FHIP2B: variants seen among roughly 807,000 people sequenced by gnomAD.
The protein encoded by FHIP2B is FHF complex subunit HOOK interacting protein 2B.
A neutral mutation model predicts 84.0 loss-of-function variants in FHIP2B; 72 were observed. The ratio of observed to expected loss-of-function variants is 0.86; its 90% CI spans 0.71 to 1.04. The LOEUF (loss-of-function observed/expected upper bound fraction) is 1.04, where lower values mean the gene tolerates loss of function less well. FHIP2B is among the 50% of genes least tolerant of loss of function. FHIP2B has a pLI of 0.00. For missense variants in FHIP2B, 972 were observed against 968.9 expected, an observed-to-expected ratio of 1.00 and a Z score of -0.04; for synonymous variants, 497 against 418.7, an observed-to-expected ratio of 1.19 and a Z score of -2.28.
chr8:22,102,807 C>G lies in FHIP2B; in HGVS notation c.2108C>G (p.Thr703Ser), dbSNP rs1554577830. ...QAPGEQLDHQTLLQGVVVLEE... is the reference protein window; with the variant it reads ...QAPGEQLDHQSLLQGVVVLEE... ...TCTCCCCTCAGGCTGGACCACCAGA[C>G]CCTCCTCCAGGGCGTGGTGGTGCTG... The change falls in exon 17 of 17, where the codon ACC becomes AGC. Residue 703 changes from threonine to serine, a missense_variant. Coordinates refer to ENST00000289921, the MANE Select transcript of FHIP2B (RefSeq NM_022749.7). 1 of 1,613,320 alleles carries G rather than the reference C, an allele frequency of 6.2e-7. No homozygotes were observed. Among genetic ancestry groups the G allele is most frequent in the African/African-American group, 1.3e-5 (1 of 74,924 alleles).
At position 22,100,695 on chromosome 8, in the gene FHIP2B, C is replaced by T. The variant is rs772066717; in HGVS notation, c.1443C>T (p.Tyr481=). The T allele has an allele frequency of 8.1e-6, 13 of 1,606,336 alleles. No homozygotes were observed. The South Asian group carries it at 1.0e-4, about 12-fold the overall frequency. Residue 481 remains tyrosine (Y), a synonymous_variant, in exon 11 of 17, where the codon TAC becomes TAT. Coordinates refer to ENST00000289921, the MANE Select transcript of FHIP2B (RefSeq NM_022749.7). Reference sequence around the variant, plus strand: ...TGCGCAACCTTGAGGGCCGCCCTTACGTGGCCTGGGGCTCACCAGAGCCTG... The same window carrying T: ...TGCGCAACCTTGAGGGCCGCCCTTATGTGGCCTGGGGCTCACCAGAGCCTG... The part of the protein sequence containing the change: ...LVLRNLEGRP[Y]VAWGSPEPES...
At chr8:22,100,272 C>T (rs1232045779) in intron 10 of FHIP2B, 4 of 377,542 alleles carry the variant, frequency 1.1e-5, no homozygotes, top group African/African-American at 2.1e-5. Flanking sequence ...ACACTTGGCT[C>T]GCTGGAAGGC....
chr8:22,089,493 T>G (rs1586304316), intron 1 of FHIP2B, among the ~76,000 whole-genome samples, 195 bp downstream of exon 1: 3 of 151,244 alleles, frequency 2.0e-5, no homozygotes, highest in African/African-American at 4.9e-5. Flanking sequence ...CCAGTCCCGC[T>G]CCCAGACTCC....
chr8:22,100,663 C>G lies in FHIP2B; in HGVS notation c.1411C>G (p.Leu471Val). ...GCCCCACGAGGGGATCATCCACAGC[C>G]TGGTCCTGCGCAACCTTGAGGGCCG... is the stretch of plus-strand genomic sequence containing the variant. ...QKPHEGIIHSLVLRNLEGRPY... is the reference protein window; with the variant it reads ...QKPHEGIIHSVVLRNLEGRPY... Residue 471 changes from leucine to valine, a missense_variant, in exon 11 of 17, where the codon CTG becomes GTG. By Grantham distance (32) the Leu-to-Val change is conservative (BLOSUM62 1). Transcript: ENST00000289921. The G allele has an allele frequency of 1.2e-6, 2 of 1,607,156 alleles. No homozygotes were observed. Among genetic ancestry groups the G allele is most frequent in the Non-Finnish European group, 1.7e-6 (2 of 1,176,108 alleles).
At chr8:22,097,991 G>C (rs1370688156) in intron 5 of FHIP2B, 77 bp from the exon 6 acceptor site, 5 of 1,526,240 alleles carry the variant, frequency 3.3e-6, no homozygotes, top group Non-Finnish European at 4.4e-6. Context: ...CCTGCTGGCA[G>C]CCCACCCTGC....
chr8:22,099,858 C>G lies in FHIP2B; in HGVS notation c.1306C>G (p.His436Asp). 6.2e-7 allele frequency: 1 copy of G among 1,612,462 alleles called. No individual in the cohort carries two copies. The highest frequency in any genetic ancestry group is 8.5e-7 in the Non-Finnish European group (1 of 1,179,360). ...PGDNPHTLYA[H>D]LIGHCDHLSD... Reference sequence around the variant, plus strand: ...GGACAACCCCCACACCCTGTATGCTCATCTCATCGGGCATTGTGACCACCT... The same window carrying G: ...GGACAACCCCCACACCCTGTATGCTGATCTCATCGGGCATTGTGACCACCT... The change falls in exon 10 of 17, where the codon CAT becomes GAT. Residue 436 changes from histidine (H) to aspartate (D), a missense_variant. Transcript: ENST00000289921.
intron 16 of FHIP2B, 39 bp from the exon 17 acceptor site, chr8:22,102,754 C>T (rs1473250335): frequency 6.2e-7 from 1 of 1,608,924 alleles, no homozygotes; most frequent in Non-Finnish European, 8.5e-7. Flanking sequence ...CACAGTCCTG[C>T]CCCCACCCAG....
At position 22,089,163 on chromosome 8, in the gene FHIP2B, C is replaced by T; in HGVS notation, c.-91C>T. 5 of 844,772 alleles carry T rather than the reference C, an allele frequency of 5.9e-6. No individual in the cohort carries two copies. Among genetic ancestry groups the T allele is most frequent in the Non-Finnish European group, 7.3e-6 (5 of 689,570 alleles). The allele number at this position is 844,772 out of a possible 1,614,324, so 52.3% of individuals were successfully genotyped here. On this transcript the variant is annotated 5_prime_UTR_variant, in exon 1 of 17. Transcript: ENST00000289921. ...CGGCCGGGCCCCGCCCCCCTCGTCG[C>T]GCCGGGGCCGCCGGGGCCACGGGGC...
In FHIP2B at chr8:22,102,788, C is replaced by A; in HGVS notation, c.2094-5C>A. ...AGCCATGCCCCCTGTGCCATCTCCC[C>A]TCAGGCTGGACCACCAGACCCTCCT... is the stretch of plus-strand genomic sequence containing the variant. On this transcript the variant is annotated splice_polypyrimidine_tract_variant and splice_region_variant and intron_variant, in intron 16 of 16. Coordinates refer to ENST00000289921, the MANE Select transcript of FHIP2B (RefSeq NM_022749.7). The A allele has an allele frequency of 6.2e-7, 1 of 1,612,884 alleles. No homozygotes were observed. The highest frequency in any genetic ancestry group is 8.5e-7 in the Non-Finnish European group (1 of 1,179,508).
At chr8:22,102,399 C>T in intron 15 of FHIP2B, 84 bp downstream of exon 15, 4 of 807,328 alleles carry the variant, frequency 5.0e-6, no homozygotes, top group Admixed American at 4.5e-5. Flanking sequence ...TGGTTGGGGG[C>T]TGGAGGGGTG....
chr8:22,099,316 T>G lies in FHIP2B; in HGVS notation c.1107T>G (p.Ala369=). ...VVADALAKAV[A]ENFFVETLQP... is the part of the protein sequence containing the mutation. ...CGGACGCCTTGGCGAAGGCTGTGGCTGAGAACTTCTTCGTGGAGACCCTGC... is the reference window on the plus strand; with the variant it reads ...CGGACGCCTTGGCGAAGGCTGTGGCGGAGAACTTCTTCGTGGAGACCCTGC... The change falls in exon 9 of 17, where the codon GCT becomes GCG. Residue 369 remains alanine (A), a synonymous_variant. Transcript: ENST00000289921. The G allele has an allele frequency of 6.2e-7, 1 of 1,613,774 alleles. No homozygotes were observed. The highest frequency in any genetic ancestry group is 8.5e-7 in the Non-Finnish European group (1 of 1,179,812).
chr8:22,093,688 G>C (rs1000938080), intron 1 of FHIP2B, among the ~76,000 whole-genome samples: 2 of 138,806 alleles, frequency 1.4e-5, no homozygotes, highest in Non-Finnish European at 3.1e-5. Flanking sequence ...CTCAGATTGA[G>C]AGGAATGGAA....
chr8:22,098,796 T>G (rs1268812033), intron 7 of FHIP2B, among the ~76,000 whole-genome samples, 152 bp from the exon 8 acceptor site: 1 of 152,166 alleles, frequency 6.6e-6, no homozygotes, highest in African/African-American at 2.4e-5. Context: ...AGTACTGGTT[T>G]TGCTGCCTCT....
chr8:22,095,284 A>G (rs1229249036), intron 2 of FHIP2B: 1 of 152,270 alleles, frequency 6.6e-6, no homozygotes, highest in Non-Finnish European at 1.5e-5. Flanking sequence ...GTTCTGCTAG[A>G]CCAGGTTTCT....
chr8:22,102,485 G>A (rs1238292571), intron 15 of FHIP2B, 43 bp from the exon 16 acceptor site: 3 of 1,543,860 alleles, frequency 1.9e-6, no homozygotes, highest in East Asian at 2.4e-5. Context: ...GGACTCACTG[G>A]TGTTGCTGGC....
chr8:22,098,962 C>T lies in FHIP2B; in HGVS notation c.980C>T (p.Pro327Leu), dbSNP rs780882328. ...EGISWRLPSA[P>L]SDEASFPGKE... is the part of the protein sequence containing the mutation. ...TCTTCCTTCAGGTTACCCAGTGCCC[C>T]GTCTGATGAGGCTTCCTTCCCTGGC... Residue 327 changes from proline (P) to leucine (L), a missense_variant, in exon 8 of 17, where the codon CCG becomes CTG. By Grantham distance (98) the Pro-to-Leu change is moderately conservative. Transcript: ENST00000289921. 2.3e-5 allele frequency: 37 copies of T among 1,605,276 alleles called. No individual in the cohort carries two copies. Among genetic ancestry groups the T allele is most frequent in the African/African-American group, 1.3e-4 (10 of 74,802 alleles).
intron 3 of FHIP2B, 134 bp downstream of exon 3, chr8:22,096,643 G>C: frequency 1.6e-6 from 2 of 1,274,456 alleles, no homozygotes; most frequent in Non-Finnish European, 2.1e-6. Context: ...GCCAGGCTGA[G>C]GTGGGCGGTG....
At chr8:22,099,495 C>T in intron 9 of FHIP2B, 135 bp downstream of exon 9, 1 of 1,115,914 alleles carries the variant, frequency 9.0e-7, no homozygotes, top group South Asian at 1.6e-5. Context: ...GTGATGTTTG[C>T]CAGGCCTGCC....
chr8:22,090,283 G>T (rs7823952), intron 1 of FHIP2B, among the ~76,000 whole-genome samples: 90,603 of 151,986 alleles, frequency 0.6, 27,294 homozygotes, highest in Admixed American at 0.68. Flanking sequence ...AGGAGAGAAA[G>T]TCTTGGGTTT....
Sources: allele counts gnomAD v4.1 joint callset (sites outside exome capture counted in the v4.1 genomes callset), GRCh38; gene constraint gnomAD v4.1.1; transcripts MANE v1.5; gene names NCBI Gene and HGNC (gene_info 2026-07-23, HGNC 2026-07-21).